The following CDH18 variants were observed in gnomAD, a reference collection of about 807,000 sequenced individuals.
The protein encoded by CDH18 is cadherin-18.
Under a neutral mutation model 67.9 loss-of-function variants are expected in CDH18, and 31 were observed. That is an observed-to-expected ratio of 0.46 (90% CI 0.34 to 0.62). CDH18 has a LOEUF of 0.62. Ranked by LOEUF, CDH18 falls within the 20% of genes least tolerant of loss-of-function variation. CDH18 has a pLI of 0.01. For synonymous variants in CDH18, 362 were observed against 347.2 expected, an observed-to-expected ratio of 1.04 and a Z score of -0.48; for missense variants, 890 against 975.5, an observed-to-expected ratio of 0.91 and a Z score of 1.17.
chr5:20,092,521 A>C (rs911957257), intron 2 of CDH18, among the ~76,000 whole-genome samples: 56 of 152,206 alleles, frequency 3.7e-4, no homozygotes, highest in Non-Finnish European at 1.3e-4. Flanking sequence ...GTGTTTTAGC[A>C]CTTAATAAAT....
intron 1 of CDH18, among the ~76,000 whole-genome samples, chr5:20,542,326 T>C (rs1412883052): frequency 2.6e-5 from 4 of 151,588 alleles, no homozygotes; most frequent in Non-Finnish European, 5.9e-5. Context: ...ACTATTATTA[T>C]AATTATTATT....
intron 1 of CDH18, among the ~76,000 whole-genome samples, chr5:20,375,562 A>G (rs970714012): frequency 6.6e-6 from 1 of 152,178 alleles, no homozygotes; most frequent in Non-Finnish European, 1.5e-5. Context: ...TATGTGCATA[A>G]ATATTCTTTA....
intron 1 of CDH18, among the ~76,000 whole-genome samples, chr5:20,390,814 A>T (rs1201979266): frequency 6.6e-6 from 1 of 152,204 alleles, no homozygotes; most frequent in Non-Finnish European, 1.5e-5. Context: ...GCCATAAAAA[A>T]GGATGAGTTC....
At chr5:19,604,719 A>C (rs556064439) in intron 6 of CDH18, among the ~76,000 whole-genome samples, 2 of 152,214 alleles carry the variant, frequency 1.3e-5, no homozygotes, top group East Asian at 3.9e-4. Context: ...TGCCATAAAT[A>C]AAAAGGGCAA....
chr5:19,913,567 G>C (rs1791399300), intron 2 of CDH18, among the ~76,000 whole-genome samples: 1 of 152,040 alleles, frequency 6.6e-6, no homozygotes, highest in Non-Finnish European at 1.5e-5. Context: ...TCAGAGAGTA[G>C]GTATGTGTTC....
At chr5:19,646,205 C>A (rs1277521991) in intron 5 of CDH18, among the ~76,000 whole-genome samples, 2 of 151,928 alleles carry the variant, frequency 1.3e-5, no homozygotes, top group Admixed American at 6.6e-5. Flanking sequence ...GTTTGTTTAT[C>A]TTTATTTTTT....
intron 1 of CDH18, among the ~76,000 whole-genome samples, chr5:20,488,220 C>T (rs184923991): frequency 6.6e-6 from 1 of 152,264 alleles, no homozygotes; most frequent in Admixed American, 6.5e-5. Context: ...ATTTTAAATA[C>T]ATATGCATCA....
chr5:19,581,691 T>C, intron 7 of CDH18, among the ~76,000 whole-genome samples: 1 of 152,078 alleles, frequency 6.6e-6, no homozygotes, highest in East Asian at 1.9e-4. Context: ...ATATCAACAT[T>C]TTCATACATA....
At chr5:20,524,676 A>T (rs1755941531) in intron 1 of CDH18, among the ~76,000 whole-genome samples, 1 of 152,214 alleles carries the variant, frequency 6.6e-6, no homozygotes, top group Non-Finnish European at 1.5e-5. Flanking sequence ...TATTTGAAAT[A>T]CAGATTTAAA....
intron 3 of CDH18, among the ~76,000 whole-genome samples, chr5:19,761,268 G>T (rs955683192): frequency 6.6e-6 from 1 of 152,142 alleles, no homozygotes; most frequent in Non-Finnish European, 1.5e-5. Context: ...GAAGCCAGGA[G>T]ATAGAATCTC....
chr5:19,973,507 T>C (rs1335289317), intron 2 of CDH18, among the ~76,000 whole-genome samples: 1 of 152,094 alleles, frequency 6.6e-6, no homozygotes, highest in Non-Finnish European at 1.5e-5. Flanking sequence ...CTCAATATCC[T>C]GGGTTAAGGA....
intron 2 of CDH18, among the ~76,000 whole-genome samples, chr5:20,173,333 C>T (rs1736989771): frequency 6.6e-6 from 1 of 152,210 alleles, no homozygotes; most frequent in Non-Finnish European, 1.5e-5. Context: ...AAGTCAACGA[C>T]CCAGTCCCAG....
chr5:20,496,436 A>G (rs1753910457), intron 1 of CDH18, among the ~76,000 whole-genome samples: 1 of 152,202 alleles, frequency 6.6e-6, no homozygotes, highest in African/African-American at 2.4e-5. Context: ...ATCCAAAAAT[A>G]AAGGAAAATT....
chr5:19,640,710 T>C (rs1322717501), intron 5 of CDH18, among the ~76,000 whole-genome samples: 1 of 151,982 alleles, frequency 6.6e-6, no homozygotes, highest in African/African-American at 2.4e-5. Context: ...AGAAGACAGT[T>C]TAAAGCAGTT....
chr5:19,712,935 CA>C (rs924381611), intron 5 of CDH18, among the ~76,000 whole-genome samples: 1 of 151,582 alleles, frequency 6.6e-6, no homozygotes, highest in Non-Finnish European at 1.5e-5. Flanking sequence ...AAAGAAAAAT[CA>C]AATTGCTTGG....
At chr5:20,535,335 G>A (rs1368380443) in intron 1 of CDH18, among the ~76,000 whole-genome samples, 2 of 151,942 alleles carry the variant, frequency 1.3e-5, no homozygotes, top group African/African-American at 2.4e-5. Context: ...AGATCAGATC[G>A]AGACCCTTTC....
Position 19,566,477 on chromosome 5 carries a change from G to A in CDH18, c.1253+5102C>T, listed in dbSNP as rs574877837. 2.0e-5 allele frequency among the ~76,000 whole-genome samples: 3 copies of A among 152,318 alleles called. No homozygotes were observed. In the East Asian group the frequency reaches 5.8e-4, roughly 29 times the overall value. Reference sequence around the variant, plus strand: ...AAAAAGAGGTTTAATGGATTCACACGTGGCTGGGGAGGCCTCACAATCATG... The same window carrying A: ...AAAAAGAGGTTTAATGGATTCACACATGGCTGGGGAGGCCTCACAATCATG... On this transcript the variant is annotated intron_variant, in intron 8 of 12. Transcript: ENST00000382275.
At chr5:20,060,138 T>C (rs1313761142) in intron 2 of CDH18, among the ~76,000 whole-genome samples, 1 of 152,054 alleles carries the variant, frequency 6.6e-6, no homozygotes, top group Non-Finnish European at 1.5e-5. Flanking sequence ...AAAAACTTAT[T>C]AGAACTCATA....
chr5:20,166,570 C>G (rs1736311545), intron 2 of CDH18, among the ~76,000 whole-genome samples: 1 of 152,074 alleles, frequency 6.6e-6, no homozygotes, highest in Non-Finnish European at 1.5e-5. Flanking sequence ...GAGTAAGAGT[C>G]ACCTCGAAAG....
Sources: allele counts gnomAD v4.1 joint callset (sites outside exome capture counted in the v4.1 genomes callset), GRCh38; gene constraint gnomAD v4.1.1; transcripts MANE v1.5; gene names NCBI Gene and HGNC (gene_info 2026-07-23, HGNC 2026-07-21).